Variants in CDH20 observed in about 807,000 individuals in gnomAD.
CDH20 encodes cadherin 20, also known as cadherin-20.
In CDH20, 29 loss-of-function variants were observed where a neutral mutation model predicts 74.2. That is an observed-to-expected ratio of 0.39 (90% CI 0.29 to 0.53). The LOEUF is 0.53. Among genes scored for constraint, CDH20 ranks in the 20% least tolerant of loss-of-function variants. The pLI is 0.69. For synonymous variants in CDH20, 469 were observed against 405.4 expected (o/e 1.16, Z -1.88); for missense variants, 988 against 1,048.3 (o/e 0.94, Z 0.79).
chr18:61,541,271 T>TACA (rs1913026404), intron 9 of CDH20, among the ~76,000 whole-genome samples: 1 of 151,318 alleles, frequency 6.6e-6, no homozygotes, highest in African/African-American at 2.4e-5. Flanking sequence ...TTAATAATTT[T>TACA]TGTTTTATAT....
chr18:61,492,155 T>C (rs112273387), intron 2 of CDH20, among the ~76,000 whole-genome samples: 118 of 152,232 alleles, frequency 7.8e-4, no homozygotes, highest in African/African-American at 2.7e-3. Context: ...AAACTCTTGT[T>C]TTTTTTCTCC....
intron 1 of CDH20, among the ~76,000 whole-genome samples, chr18:61,429,829 T>G (rs550308591): frequency 3.3e-5 from 5 of 152,356 alleles, no homozygotes; most frequent in Admixed American, 2.6e-4. Context: ...GGTTTACGAT[T>G]ATTATTTCTT....
chr18:61,484,627 T>G (rs1364731721), intron 1 of CDH20, among the ~76,000 whole-genome samples: 1 of 152,152 alleles, frequency 6.6e-6, no homozygotes, highest in Non-Finnish European at 1.5e-5. Context: ...AGGGTCAGCA[T>G]GTATACAGGT....
At chr18:61,530,129 T>G (rs546322400) in intron 7 of CDH20, among the ~76,000 whole-genome samples, 1 of 152,292 alleles carries the variant, frequency 6.6e-6, no homozygotes, top group Non-Finnish European at 1.5e-5. Flanking sequence ...GGGATAATTC[T>G]CCCTCTGCAT....
intron 1 of CDH20, among the ~76,000 whole-genome samples, chr18:61,347,231 T>C (rs1446338032): frequency 6.8e-6 from 1 of 146,982 alleles, no homozygotes; most frequent in Non-Finnish European, 1.5e-5. Context: ...GGTAGATCAC[T>C]TGAGACCAGG....
chr18:61,364,288 G>C (rs984654525), intron 1 of CDH20, among the ~76,000 whole-genome samples: 8 of 152,084 alleles, frequency 5.3e-5, no homozygotes, highest in African/African-American at 1.9e-4. Context: ...TCCATAGGTG[G>C]AGAAGTGAAT....
At chr18:61,346,576 G>A (rs573664134) in intron 1 of CDH20, among the ~76,000 whole-genome samples, 21 of 152,188 alleles carry the variant, frequency 1.4e-4, no homozygotes, top group African/African-American at 4.6e-4. Context: ...CAAGGAACAC[G>A]AAAATATTAA....
chr18:61,510,400 G>A (rs1369059650), intron 6 of CDH20, among the ~76,000 whole-genome samples: 1 of 152,162 alleles, frequency 6.6e-6, no homozygotes, highest in Non-Finnish European at 1.5e-5. Flanking sequence ...GGTCAAATAA[G>A]AACATCAGGA....
intron 1 of CDH20, among the ~76,000 whole-genome samples, chr18:61,485,629 G>A (rs907216729): frequency 6.6e-6 from 1 of 152,180 alleles, no homozygotes; most frequent in African/African-American, 2.4e-5. Flanking sequence ...CCTCAAAAAT[G>A]CACTTAGAAG....
At chr18:61,488,382 T>C (rs1166320915) in intron 1 of CDH20, among the ~76,000 whole-genome samples, 2 of 152,134 alleles carry the variant, frequency 1.3e-5, no homozygotes, top group Non-Finnish European at 2.9e-5. Context: ...CTTAGCTCCA[T>C]GATTTTTACA....
At chr18:61,407,046 C>T (rs531850983) in intron 1 of CDH20, among the ~76,000 whole-genome samples, 41 of 152,358 alleles carry the variant, frequency 2.7e-4, no homozygotes, top group African/African-American at 9.4e-4. Flanking sequence ...AATAACTGCT[C>T]CTCAAGTAAG....
intron 6 of CDH20, among the ~76,000 whole-genome samples, chr18:61,511,473 C>A (rs540593602): frequency 6.6e-6 from 1 of 152,162 alleles, no homozygotes; most frequent in South Asian, 2.1e-4. Context: ...CATGAGCCAC[C>A]GCAACCAGCT....
chr18:61,410,117 G>A (rs888501062), intron 1 of CDH20, among the ~76,000 whole-genome samples: 1 of 152,162 alleles, frequency 6.6e-6, no homozygotes, highest in African/African-American at 2.4e-5. Flanking sequence ...CCTAGAGGCA[G>A]GGAGCTCCTT....
chr18:61,491,228 G>GA (rs879865833), intron 2 of CDH20, among the ~76,000 whole-genome samples: 1 of 2,968 alleles, frequency 3.4e-4, no homozygotes, highest in Non-Finnish European at 8.1e-4. Flanking sequence ...CAAATTTAAT[G>GA]AAAAAAATAA....
intron 1 of CDH20, among the ~76,000 whole-genome samples, chr18:61,360,938 G>A (rs948937775): frequency 6.6e-6 from 1 of 152,206 alleles, no homozygotes; most frequent in Non-Finnish European, 1.5e-5. Context: ...TCATACTGAT[G>A]TTAGCAATAA....
chr18:61,379,785 G>A (rs17068258), intron 1 of CDH20, among the ~76,000 whole-genome samples: 3,425 of 152,220 alleles, frequency 0.023, 90 homozygotes, highest in African/African-American at 0.069. Context: ...TGATCCAAGA[G>A]TTTCACATAC....
At chr18:61,448,605 C>G (rs190867904) in intron 1 of CDH20, among the ~76,000 whole-genome samples, 48 of 152,126 alleles carry the variant, frequency 3.2e-4, no homozygotes, top group African/African-American at 1.1e-3. Context: ...CTGAGCCTTC[C>G]CTGAATCGAG....
chr18:61,464,227 G>T (rs767608877), intron 1 of CDH20, among the ~76,000 whole-genome samples: 1 of 151,546 alleles, frequency 6.6e-6, no homozygotes, highest in African/African-American at 2.4e-5. Context: ...GAGTTTTTGT[G>T]CTTATCTGGC....
Position 61,340,226 on chromosome 18 carries a change from C to CTTTTTTTTTTT in CDH20, c.-153+6409_-153+6410insTTTTTTTTTTT, listed in dbSNP as rs59628153. 2.4e-3 allele frequency among the ~76,000 whole-genome samples: 282 copies of CTTTTTTTTTTT among 119,736 alleles called. 13 individuals carry two copies. Among genetic ancestry groups the CTTTTTTTTTTT allele is most frequent in the African/African-American group, 7.0e-3 (231 of 33,054 alleles). 78.6% of individuals were successfully genotyped at this position (119,736 alleles called of 152,430 possible). On this transcript the variant is annotated intron_variant, in intron 1 of 11. Coordinates refer to ENST00000262717, the MANE Select transcript of CDH20 (RefSeq NM_031891.4). ...TGTCTTTAGCTAAATCTTCAGCCTTCTTTTTTTTTTAAAGGTCTGACCTTA... is the reference window on the plus strand; with the variant it reads ...TGTCTTTAGCTAAATCTTCAGCCTTCTTTTTTTTTTTTTTTTTTTTTAAAGGTCTGACCTTA...
Sources: gnomAD v4.1 joint callset for allele counts (sites outside exome capture counted in the v4.1 genomes callset) on GRCh38, gnomAD v4.1.1 for gene constraint, MANE v1.5 for transcripts, NCBI Gene and HGNC (gene_info 2026-07-23, HGNC 2026-07-21) for gene names.